Variants in SNTG1 observed in about 807,000 individuals in gnomAD.
SNTG1 encodes the protein gamma-1-syntrophin.
SNTG1 carries 39 observed loss-of-function variants against 74.7 expected under a neutral mutation model. That is an observed-to-expected ratio of 0.52 (90% CI 0.40 to 0.68). The LOEUF (loss-of-function observed/expected upper bound fraction) is 0.68. SNTG1 is among the 30% of genes least tolerant of loss of function. The pLI is 0.00. For missense variants in SNTG1, 685 were observed against 609.5 expected (o/e 1.12, Z -1.30); for synonymous variants, 254 against 217.1 (o/e 1.17, Z -1.49).
At chr8:50,387,814 A>C (rs942656734) in intron 2 of SNTG1, among the ~76,000 whole-genome samples, 2 of 152,114 alleles carry the variant, frequency 1.3e-5, no homozygotes, top group African/African-American at 4.8e-5. Flanking sequence ...ATAAAAGAAA[A>C]GAGGGTTGGT....
At chr8:49,912,402 A>G (rs1319315474) in intron 1 of SNTG1, among the ~76,000 whole-genome samples, 171 bp downstream of exon 1, 2 of 152,222 alleles carry the variant, frequency 1.3e-5, no homozygotes, top group Admixed American at 6.5e-5. Context: ...AATCAAAATA[A>G]CATACATGTT....
At chr8:50,292,373 T>G (rs546008631) in intron 2 of SNTG1, among the ~76,000 whole-genome samples, 1 of 152,204 alleles carries the variant, frequency 6.6e-6, no homozygotes, top group South Asian at 2.1e-4. Context: ...AGGCAATATG[T>G]TAGAAAATGG....
intron 13 of SNTG1, among the ~76,000 whole-genome samples, chr8:50,603,890 C>T (rs2094793222): frequency 6.6e-6 from 1 of 152,100 alleles, no homozygotes; most frequent in African/African-American, 2.4e-5. Context: ...CTGTGGCCAC[C>T]ATCATTAGGA....
At chr8:50,517,466 A>G (rs951008252) in intron 9 of SNTG1, among the ~76,000 whole-genome samples, 31 of 152,198 alleles carry the variant, frequency 2.0e-4, no homozygotes, top group African/African-American at 7.0e-4. Flanking sequence ...TAAATGGGCT[A>G]AATGCCCCAA....
chr8:50,397,899 AG>A (rs2092748440), intron 3 of SNTG1, among the ~76,000 whole-genome samples: 1 of 152,182 alleles, frequency 6.6e-6, no homozygotes, highest in African/African-American at 2.4e-5. Flanking sequence ...ATTTTTGTTA[AG>A]GGAGAAAAAT....
intron 2 of SNTG1, among the ~76,000 whole-genome samples, chr8:50,348,538 G>T (rs763612025): frequency 6.6e-6 from 1 of 152,258 alleles, no homozygotes; most frequent in South Asian, 2.1e-4. Flanking sequence ...TTTGGTCACC[G>T]CAAGGAGTAA....
At chr8:50,238,588 A>T (rs1218594757) in intron 2 of SNTG1, among the ~76,000 whole-genome samples, 1 of 152,198 alleles carries the variant, frequency 6.6e-6, no homozygotes, top group Non-Finnish European at 1.5e-5. Flanking sequence ...TCTGGCAAAG[A>T]TATCATGACA....
At chr8:49,962,516 G>A (rs1810780630) in intron 1 of SNTG1, among the ~76,000 whole-genome samples, 1 of 151,864 alleles carries the variant, frequency 6.6e-6, no homozygotes, top group African/African-American at 2.4e-5. Flanking sequence ...ACTCTGTGCT[G>A]CCACTCAAGG....
intron 8 of SNTG1, among the ~76,000 whole-genome samples, chr8:50,495,956 T>C (rs909402754): frequency 4.6e-5 from 7 of 152,186 alleles, no homozygotes; most frequent in Admixed American, 1.3e-4. Flanking sequence ...AAAAGCCAAG[T>C]TCTTATTTTT....
intron 9 of SNTG1, among the ~76,000 whole-genome samples, chr8:50,519,603 G>A (rs186929208): frequency 1.3e-5 from 2 of 152,192 alleles, no homozygotes; most frequent in Admixed American, 6.5e-5. Context: ...TACTTCGGCA[G>A]AGTTTCAGGA....
intron 1 of SNTG1, among the ~76,000 whole-genome samples, chr8:50,032,887 T>A (rs1817849608): frequency 6.6e-6 from 1 of 152,166 alleles, no homozygotes; most frequent in South Asian, 2.1e-4. Context: ...TCCTGGTTTC[T>A]AAACTCACAA....
intron 1 of SNTG1, among the ~76,000 whole-genome samples, chr8:50,136,189 T>C (rs2081470126): frequency 6.6e-6 from 1 of 152,190 alleles, no homozygotes; most frequent in South Asian, 2.1e-4. Flanking sequence ...ATGGCTTTTC[T>C]ATTGTAAATA....
At chr8:50,607,999 C>A (rs1010681334) in intron 13 of SNTG1, among the ~76,000 whole-genome samples, 4 of 151,518 alleles carry the variant, frequency 2.6e-5, no homozygotes, top group Admixed American at 2.0e-4. Flanking sequence ...TTAATTTTCA[C>A]GTTTTTGGAG....
intron 1 of SNTG1, among the ~76,000 whole-genome samples, chr8:49,922,330 A>C (rs1806625262): frequency 6.6e-6 from 1 of 152,114 alleles, no homozygotes; most frequent in Non-Finnish European, 1.5e-5. Flanking sequence ...AGGCCAATTA[A>C]GTTTTCTAAA....
intron 2 of SNTG1, among the ~76,000 whole-genome samples, chr8:50,301,836 G>GTTTTTGT (rs2089661391): frequency 6.9e-6 from 1 of 144,976 alleles, no homozygotes; most frequent in Non-Finnish European, 1.5e-5. Context: ...TTTTGTTTTT[G>GTTTTTGT]TTTTTGTTTT....
intron 15 of SNTG1, among the ~76,000 whole-genome samples, chr8:50,664,044 A>G (rs2095238668): frequency 6.6e-6 from 1 of 152,228 alleles, no homozygotes; most frequent in Non-Finnish European, 1.5e-5. Context: ...CTGCCTACTG[A>G]CATACCTAGT....
chr8:50,567,576 G>A (rs2094523166), intron 12 of SNTG1, among the ~76,000 whole-genome samples: 1 of 152,026 alleles, frequency 6.6e-6, no homozygotes, highest in Admixed American at 6.6e-5. Context: ...CTATGTATCG[G>A]TGGAGTAAAC....
intron 1 of SNTG1, among the ~76,000 whole-genome samples, chr8:50,114,737 C>A (rs1053165297): frequency 2.0e-5 from 3 of 151,956 alleles, no homozygotes; most frequent in African/African-American, 7.2e-5. Context: ...TAGATGTGCA[C>A]GCCTGTAGTC....
chr8:50,670,842 GA>G, intron 15 of SNTG1, among the ~76,000 whole-genome samples: 24 of 151,130 alleles, frequency 1.6e-4, no homozygotes, highest in East Asian at 7.7e-4. Context: ...TACCAAAACA[GA>G]GATATAGATC....
Sources: allele counts gnomAD v4.1 joint callset (sites outside exome capture counted in the v4.1 genomes callset), GRCh38; gene constraint gnomAD v4.1.1; transcripts MANE v1.5; gene names NCBI Gene and HGNC (gene_info 2026-07-23, HGNC 2026-07-21).